Variants in L3MBTL4 observed in about 807,000 individuals in gnomAD.
L3MBTL4 encodes the protein L3MBTL histone methyl-lysine binding protein 4, also known as lethal(3)malignant brain tumor-like protein 4.
In L3MBTL4, 70 loss-of-function variants were observed where a neutral mutation model predicts 84.5. The ratio of observed to expected loss-of-function variants is 0.83; its 90% confidence interval spans 0.68 to 1.01. The LOEUF (loss-of-function observed/expected upper bound fraction) is 1.01, where lower values mean the gene tolerates loss of function less well. Ranked by LOEUF, L3MBTL4 falls within the 50% of genes least tolerant of loss-of-function variation. The pLI, the probability that L3MBTL4 is intolerant of heterozygous loss-of-function variation, is 0.00. For missense variants in L3MBTL4, 715 were observed against 754.8 expected (o/e 0.95, Z 0.62); for synonymous variants, 274 against 259.8 (o/e 1.05, Z -0.52).
At chr18:6,171,199 G>C (rs2043955901) in intron 13 of L3MBTL4, among the ~76,000 whole-genome samples, 1 of 152,170 alleles carries the variant, frequency 6.6e-6, no homozygotes, top group Admixed American at 6.5e-5. Flanking sequence ...CATGAGAATG[G>C]AGAACACTTG....
At chr18:6,282,865 T>A (rs1418676340) in intron 4 of L3MBTL4, among the ~76,000 whole-genome samples, 1 of 151,932 alleles carries the variant, frequency 6.6e-6, no homozygotes, top group Non-Finnish European at 1.5e-5. Context: ...AGTGGACAGA[T>A]GAGAAATGTT....
At chr18:5,986,078 T>C (rs2053451179) in intron 16 of L3MBTL4, among the ~76,000 whole-genome samples, 1 of 152,052 alleles carries the variant, frequency 6.6e-6, no homozygotes, top group Admixed American at 6.6e-5. Flanking sequence ...ACAAAAATTG[T>C]ATTGGTGGAG....
chr18:5,967,019 C>T (rs1233732032), intron 17 of L3MBTL4, among the ~76,000 whole-genome samples: 1 of 152,226 alleles, frequency 6.6e-6, no homozygotes, highest in African/African-American at 2.4e-5. Flanking sequence ...GTCTCCTTCT[C>T]ATCCACCTCT....
chr18:6,137,719 A>G (rs1369104224), intron 14 of L3MBTL4, among the ~76,000 whole-genome samples: 9 of 152,224 alleles, frequency 5.9e-5, no homozygotes, highest in Non-Finnish European at 1.3e-4. Context: ...TCATATGGAT[A>G]TTGTCAAATA....
intron 16 of L3MBTL4, among the ~76,000 whole-genome samples, chr18:6,054,173 C>T (rs1319920977): frequency 1.3e-5 from 2 of 152,148 alleles, no homozygotes; most frequent in Non-Finnish European, 2.9e-5. Flanking sequence ...GTATGCGAAA[C>T]TGATGGACTG....
chr18:6,057,948 C>A (rs2057082730), intron 16 of L3MBTL4, among the ~76,000 whole-genome samples: 1 of 152,146 alleles, frequency 6.6e-6, no homozygotes, highest in Non-Finnish European at 1.5e-5. Flanking sequence ...CTCATAATAG[C>A]TATTCCTTTA....
chr18:6,199,392 C>T (rs1038924429), intron 12 of L3MBTL4, among the ~76,000 whole-genome samples: 1 of 152,218 alleles, frequency 6.6e-6, no homozygotes, highest in African/African-American at 2.4e-5. Context: ...ACTAGCCACA[C>T]TTCAAGTGCC....
intron 1 of L3MBTL4, among the ~76,000 whole-genome samples, chr18:6,358,764 G>C (rs2040539220): frequency 6.6e-6 from 1 of 152,164 alleles, no homozygotes; most frequent in Admixed American, 6.6e-5. Context: ...TGCCCCTTTT[G>C]CACGTGGAAA....
intron 15 of L3MBTL4, among the ~76,000 whole-genome samples, chr18:6,085,138 T>C (rs181382846): frequency 2.7e-4 from 41 of 152,276 alleles, no homozygotes; most frequent in Admixed American, 7.9e-4. Context: ...CCTTTTAAAA[T>C]ATAGCAGTAA....
chr18:6,294,753 C>T (rs1307970877), intron 4 of L3MBTL4, among the ~76,000 whole-genome samples: 1 of 152,096 alleles, frequency 6.6e-6, no homozygotes, highest in African/African-American at 2.4e-5. Context: ...GTACTCAGTC[C>T]CTTTTCCAGA....
intron 1 of L3MBTL4, among the ~76,000 whole-genome samples, chr18:6,349,212 T>C (rs1482741684): frequency 6.6e-6 from 1 of 152,202 alleles, no homozygotes; most frequent in African/African-American, 2.4e-5. Flanking sequence ...ACTCAACAAA[T>C]GTATTCACCA....
chr18:6,145,982 AT>A (rs2042633992), intron 13 of L3MBTL4, among the ~76,000 whole-genome samples: 1 of 152,198 alleles, frequency 6.6e-6, no homozygotes, highest in Non-Finnish European at 1.5e-5. Flanking sequence ...ACGTGGGGAG[AT>A]TTTTAAGACG....
At chr18:5,980,191 T>A (rs2053145378) in intron 16 of L3MBTL4, among the ~76,000 whole-genome samples, 1 of 152,196 alleles carries the variant, frequency 6.6e-6, no homozygotes, top group African/African-American at 2.4e-5. Context: ...AAGTGGCTTG[T>A]TCTGGGAACC....
chr18:6,115,859 C>T (rs1221496228), intron 14 of L3MBTL4, among the ~76,000 whole-genome samples: 2 of 152,180 alleles, frequency 1.3e-5, no homozygotes, highest in Admixed American at 1.3e-4. Flanking sequence ...CTGGGCTCCA[C>T]CTCAAGTCAA....
intron 5 of L3MBTL4, among the ~76,000 whole-genome samples, chr18:6,254,735 G>A (rs1203950348): frequency 6.6e-6 from 1 of 152,148 alleles, no homozygotes; most frequent in African/African-American, 2.4e-5. Context: ...TTGGCTTTCT[G>A]TGAATCCATT....
chr18:6,085,199 T>C (rs1266077806), intron 15 of L3MBTL4, among the ~76,000 whole-genome samples: 2 of 152,196 alleles, frequency 1.3e-5, no homozygotes, highest in Admixed American at 1.3e-4. Context: ...AAATGTTTAC[T>C]GCAGCATTAT....
chr18:6,160,067 G>T (rs650541), intron 13 of L3MBTL4, among the ~76,000 whole-genome samples: 4 of 152,212 alleles, frequency 2.6e-5, no homozygotes, highest in Non-Finnish European at 2.9e-5. Context: ...GAGTCATGCA[G>T]TCCTGGGGGG....
intron 4 of L3MBTL4, among the ~76,000 whole-genome samples, chr18:6,271,473 A>G (rs1198499488): frequency 1.3e-5 from 2 of 152,222 alleles, no homozygotes; most frequent in Non-Finnish European, 2.9e-5. Flanking sequence ...AAGGCAAAAT[A>G]GTCCCGAAGC....
At chr18:6,303,877 A>G (rs2050453557) in intron 3 of L3MBTL4, among the ~76,000 whole-genome samples, 1 of 151,986 alleles carries the variant, frequency 6.6e-6, no homozygotes. Context: ...AGCCGGGCGT[A>G]GTGGCGGGCA....
Sources: gnomAD v4.1 joint callset for allele counts (sites outside exome capture counted in the v4.1 genomes callset) on GRCh38, gnomAD v4.1.1 for gene constraint, MANE v1.5 for transcripts, NCBI Gene and HGNC (gene_info 2026-07-23, HGNC 2026-07-21) for gene names.